Variants in WDPCP observed in about 807,000 individuals in gnomAD.
WDPCP encodes the protein WD repeat-containing and planar cell polarity effector protein fritz homolog.
Under a neutral mutation model 93.1 loss-of-function variants are expected in WDPCP, and 71 were observed. The ratio of observed to expected loss-of-function variants is 0.76; its 90% confidence interval spans 0.63 to 0.93. The LOEUF (loss-of-function observed/expected upper bound fraction) is 0.93. WDPCP is among the 40% of genes least tolerant of loss of function. The pLI is 0.00. For missense variants in WDPCP, 844 were observed against 887.4 expected (o/e 0.95, Z 0.62); for synonymous variants, 315 against 315.0 (o/e 1.00, Z 0.00).
chr2:63,387,713 T>C (rs1438829512), intron 10 of WDPCP, among the ~76,000 whole-genome samples: 1 of 127,028 alleles, frequency 7.9e-6, no homozygotes, highest in Admixed American at 8.8e-5. Flanking sequence ...AATATGATTC[T>C]ATACCTGGAA....
chr2:63,817,112 ATTT>A (rs201959701), intron 1 of WDPCP, among the ~76,000 whole-genome samples: 1 of 144,246 alleles, frequency 6.9e-6, no homozygotes, highest in African/African-American at 2.6e-5. Flanking sequence ...GAGCTGCTAC[ATTT>A]TTTTTTTTTT....
intron 12 of WDPCP, among the ~76,000 whole-genome samples, chr2:63,370,917 CTTCT>C (rs1446848595): frequency 6.9e-6 from 1 of 144,818 alleles, no homozygotes; most frequent in Non-Finnish European, 1.5e-5. Flanking sequence ...AACTTCCTTC[CTTCT>C]TTCTTCAGAT....
chr2:63,622,253 C>T (rs1471236990), intron 3 of WDPCP: 4 of 1,611,328 alleles, frequency 2.5e-6, no homozygotes, highest in East Asian at 2.2e-5. Flanking sequence ...CTGTAGCTGC[C>T]AGTGCCGTCT....
chr2:63,436,167 A>ATT (rs1491365957), intron 8 of WDPCP, among the ~76,000 whole-genome samples: 1 of 152,168 alleles, frequency 6.6e-6, no homozygotes, highest in Non-Finnish European at 1.5e-5. Flanking sequence ...GTAAATAAAC[A>ATT]GTATTTCAAG....
At chr2:63,566,848 G>A (rs1365327539) in intron 1 of WDPCP, among the ~76,000 whole-genome samples, 2 of 152,156 alleles carry the variant, frequency 1.3e-5, no homozygotes, top group African/African-American at 2.4e-5. Context: ...GGGTTCCCAC[G>A]ACCCCCTCCT....
intron 2 of WDPCP, among the ~76,000 whole-genome samples, chr2:63,714,417 C>A (rs1337483930): frequency 1.3e-5 from 2 of 152,032 alleles, no homozygotes; most frequent in African/African-American, 2.4e-5. Flanking sequence ...GACTATACCT[C>A]CCTTATAAGA....
intron 2 of WDPCP, among the ~76,000 whole-genome samples, chr2:63,792,108 G>A (rs1380371270): frequency 7.9e-5 from 12 of 152,148 alleles, no homozygotes; most frequent in Admixed American, 7.9e-4. Flanking sequence ...TCAAAACAGT[G>A]TGCTGTGAAT....
chr2:63,378,277 T>C (rs533341607), intron 12 of WDPCP, 109 bp downstream of exon 12: 5 of 1,418,978 alleles, frequency 3.5e-6, no homozygotes, highest in South Asian at 2.4e-5. Context: ...TTTGAGGAGA[T>C]GGACTGTTAG....
At chr2:63,230,869 C>G (rs62177791) in intron 14 of WDPCP, among the ~76,000 whole-genome samples, 22,028 of 152,118 alleles carry the variant, frequency 0.14, 1,992 homozygotes, top group Middle Eastern at 0.21. Flanking sequence ...AAAATTTTCT[C>G]CCATTCTGTA....
chr2:63,809,399 G>A (rs555319233), intron 2 of WDPCP, among the ~76,000 whole-genome samples: 6 of 152,088 alleles, frequency 3.9e-5, no homozygotes, highest in Non-Finnish European at 5.9e-5. Context: ...CCACCACCCC[G>A]TCTGGGAGGT....
intron 2 of WDPCP, among the ~76,000 whole-genome samples, chr2:63,488,370 T>A (rs548125209): frequency 1.7e-4 from 26 of 152,228 alleles, no homozygotes; most frequent in African/African-American, 6.0e-4. Flanking sequence ...AAAAAAAGTA[T>A]TACTGCTATA....
intron 6 of WDPCP, among the ~76,000 whole-genome samples, chr2:63,462,469 T>G (rs974267068): frequency 6.6e-6 from 1 of 152,164 alleles, no homozygotes; most frequent in African/African-American, 2.4e-5. Context: ...CTGCACGTTG[T>G]GCACATGTAC....
chr2:63,644,157 A>T, intron 3 of WDPCP: 4 of 276,824 alleles, frequency 1.4e-5, no homozygotes, highest in South Asian at 3.8e-5. Flanking sequence ...CTATAGTTTT[A>T]TTTTTTGATG....
At chr2:63,520,970 G>A (rs148184409) in intron 1 of WDPCP, among the ~76,000 whole-genome samples, 1 of 151,496 alleles carries the variant, frequency 6.6e-6, no homozygotes, top group East Asian at 1.9e-4. Context: ...ATACTCAAAG[G>A]ACAAATAAGA....
chr2:63,386,510 A>G (rs1232484340), intron 10 of WDPCP, among the ~76,000 whole-genome samples: 1 of 152,090 alleles, frequency 6.6e-6, no homozygotes, highest in Admixed American at 6.6e-5. Context: ...CAACACACTT[A>G]CTAGAATGGC....
At chr2:63,587,753 G>C (rs548067887) in intron 1 of WDPCP, among the ~76,000 whole-genome samples, 4 of 152,214 alleles carry the variant, frequency 2.6e-5, no homozygotes, top group African/African-American at 9.6e-5. Flanking sequence ...TAAACAACCA[G>C]TGTCTCCCCT....
At chr2:63,812,845 CT>C (rs1670881826) in intron 2 of WDPCP, among the ~76,000 whole-genome samples, 1 of 151,982 alleles carries the variant, frequency 6.6e-6, no homozygotes, top group Non-Finnish European at 1.5e-5. Flanking sequence ...CCCCATCTAA[CT>C]TCTGGGTCAC....
At chr2:63,337,211 G>A (rs1188872525) in intron 12 of WDPCP, among the ~76,000 whole-genome samples, 1 of 152,182 alleles carries the variant, frequency 6.6e-6, no homozygotes, top group Admixed American at 6.5e-5. Flanking sequence ...CACTTTTTAA[G>A]ATTCCACTTA....
chr2:63,285,060 A>G (rs1683878011), intron 13 of WDPCP, among the ~76,000 whole-genome samples: 1 of 152,242 alleles, frequency 6.6e-6, no homozygotes, highest in African/African-American at 2.4e-5. Context: ...AAAGGCAAAG[A>G]ACAGATATGA....
Sources: gnomAD v4.1 joint callset for allele counts (sites outside exome capture counted in the v4.1 genomes callset) on GRCh38, gnomAD v4.1.1 for gene constraint, MANE v1.5 for transcripts, NCBI Gene and HGNC (gene_info 2026-07-23, HGNC 2026-07-21) for gene names.